The following STARD13 variants were observed in gnomAD, a reference collection of about 807,000 sequenced individuals.
STARD13 encodes stAR-related lipid transfer protein 13.
STARD13 carries 62 observed loss-of-function variants against 106.4 expected under a neutral mutation model. The ratio of observed to expected loss-of-function variants is 0.58; its 90% CI spans 0.48 to 0.72. STARD13 has a LOEUF of 0.72. STARD13 is among the 30% of genes least tolerant of loss of function. STARD13 has a pLI of 0.00. For missense variants in STARD13, 1,387 were observed against 1,424.0 expected (o/e 0.97, Z 0.42); for synonymous variants, 565 against 553.0 (o/e 1.02, Z -0.31).
rs535904926 is a variant in STARD13, at chr13:33,156,202, C to T, written c.323+9135G>A. On this transcript the variant is annotated intron_variant, in intron 3 of 13. Transcript: ENST00000336934. Reference sequence around the variant, plus strand: ...AATTCCGAAAACTGCCCATCAATTTCCTGGAAAACCCATTCCCTTAGTATA... The same window carrying T: ...AATTCCGAAAACTGCCCATCAATTTTCTGGAAAACCCATTCCCTTAGTATA... 3.3e-5 allele frequency among the ~76,000 whole-genome samples: 5 copies of T among 152,292 alleles called. No individual in the cohort carries two copies. In the East Asian group the frequency reaches 5.8e-4, roughly 18 times the overall value.
chr13:33,128,681 A>G (rs1430040875), intron 5 of STARD13, among the ~76,000 whole-genome samples: 3 of 152,176 alleles, frequency 2.0e-5, no homozygotes, highest in East Asian at 3.9e-4. Flanking sequence ...GAAGCTCAAA[A>G]TATTTTTGGA....
the STARD13 span, among the ~76,000 whole-genome samples, chr13:33,356,807 CAAG>C: frequency 1.3e-5 from 2 of 152,124 alleles, no homozygotes; most frequent in Non-Finnish European, 2.9e-5. Flanking sequence ...TGCTAAACAG[CAAG>C]AAGTCACTCA....
At chr13:33,159,600 T>C (rs1450227767) in intron 3 of STARD13, among the ~76,000 whole-genome samples, 1 of 152,258 alleles carries the variant, frequency 6.6e-6, no homozygotes, top group Non-Finnish European at 1.5e-5. Flanking sequence ...CTTAACATTT[T>C]AGACTTAAAA....
the STARD13 span, among the ~76,000 whole-genome samples, chr13:33,452,712 A>G: frequency 6.6e-6 from 1 of 152,236 alleles, no homozygotes; most frequent in South Asian, 2.1e-4. Context: ...TAGACCTCAT[A>G]AAAATGTAAA....
At chr13:33,374,746 A>G in the STARD13 span, among the ~76,000 whole-genome samples, 308 of 152,244 alleles carry the variant, frequency 2.0e-3, 1 homozygote, top group South Asian at 6.8e-3. Context: ...CAAACAAAGC[A>G]TGGAAGCTAA....
chr13:33,241,690 G>C (rs9536854), intron 1 of STARD13, among the ~76,000 whole-genome samples: 5 of 151,878 alleles, frequency 3.3e-5, no homozygotes, highest in African/African-American at 1.2e-4. Flanking sequence ...GCAGGCGCGC[G>C]CCGCCACGCC....
chr13:33,350,539 C>A (rs1448174151), exon 1 of STARD13: 7 of 1,435,014 alleles, frequency 4.9e-6, no homozygotes, highest in Middle Eastern at 1.8e-4. Context: ...GGACCCAATG[C>A]GGGCGCGACA....
At chr13:33,239,947 A>C (rs941253726) in intron 1 of STARD13, among the ~76,000 whole-genome samples, 2 of 152,082 alleles carry the variant, frequency 1.3e-5, no homozygotes, top group African/African-American at 4.8e-5. Flanking sequence ...TTTGCATGTC[A>C]TATCAAATAA....
At chr13:33,649,010 G>T in the STARD13 span, among the ~76,000 whole-genome samples, 59 of 151,688 alleles carry the variant, frequency 3.9e-4, no homozygotes, top group African/African-American at 1.4e-3. Context: ...GGTCAGGCTG[G>T]CTTGAACTCC....
At position 33,129,357 on chromosome 13, in the gene STARD13, A is replaced by T. The variant is rs376128831; in HGVS notation, c.1320T>A (p.Gly440=). Residue 440 remains glycine, a synonymous_variant, in exon 5 of 14, where the codon GGT becomes GGA. Coordinates refer to ENST00000336934, the MANE Select transcript of STARD13 (RefSeq NM_178006.4). ...SISLGREQVP[G]AREPRLMASC... ...ACGCCATGAGCCGGGGCTCCCTGGC[A>T]CCAGGGACCTGCTCTCTGCCCAGGG... The T allele has an allele frequency of 6.2e-7, 1 of 1,614,128 alleles. No homozygotes were observed. The highest frequency in any genetic ancestry group is 1.3e-5 in the African/African-American group (1 of 75,036).
chr13:33,471,199 G>A, the STARD13 span, among the ~76,000 whole-genome samples: 8,974 of 152,262 alleles, frequency 0.059, 348 homozygotes, highest in East Asian at 0.14. Flanking sequence ...ATTAAGATAT[G>A]TATAAGATTT....
At chr13:33,412,366 T>C in the STARD13 span, among the ~76,000 whole-genome samples, 1 of 150,136 alleles carries the variant, frequency 6.7e-6, no homozygotes, top group East Asian at 2.0e-4. Flanking sequence ...AAGAGCAAAA[T>C]GAATTCTGAA....
At chr13:33,384,128 AG>A in the STARD13 span, among the ~76,000 whole-genome samples, 2 of 152,222 alleles carry the variant, frequency 1.3e-5, no homozygotes, top group Admixed American at 1.3e-4. Context: ...AAGATAACTA[AG>A]GCTTAAGGAC....
chr13:33,178,790 C>T (rs538774107), intron 1 of STARD13, among the ~76,000 whole-genome samples: 2 of 152,220 alleles, frequency 1.3e-5, no homozygotes, highest in South Asian at 4.2e-4. Context: ...TTGGTATTTC[C>T]TGGTTGCTGA....
the STARD13 span, among the ~76,000 whole-genome samples, chr13:33,572,396 T>G: frequency 1.3e-5 from 2 of 152,172 alleles, 1 homozygote; most frequent in East Asian, 3.9e-4. Context: ...ATCCAGCTGT[T>G]TCTGTACCTC....
chr13:33,513,464 C>A, the STARD13 span, among the ~76,000 whole-genome samples: 1 of 152,166 alleles, frequency 6.6e-6, no homozygotes, highest in Non-Finnish European at 1.5e-5. Flanking sequence ...ATACGTGATT[C>A]ACTGACTTCC....
the STARD13 span, among the ~76,000 whole-genome samples, chr13:33,676,193 C>T: frequency 2.0e-5 from 3 of 152,118 alleles, no homozygotes; most frequent in East Asian, 1.9e-4. Context: ...GAAGTTGTAG[C>T]GGCGGAGTTT....
chr13:33,544,614 T>C, the STARD13 span, among the ~76,000 whole-genome samples: 757 of 152,240 alleles, frequency 5.0e-3, 16 homozygotes, highest in Admixed American at 0.03. Flanking sequence ...CTAGCCTGAA[T>C]GGGCCTTCGT....
rs78911794 is a variant in STARD13, at chr13:33,131,935, C to T, written c.388-1646G>A. Among the ~76,000 whole-genome samples the T allele has an allele frequency of 3.4e-3, 522 of 152,306 alleles. 3 individuals are homozygous for T. Among genetic ancestry groups the T allele is most frequent in the African/African-American group, 0.012 (495 of 41,572 alleles). ...CTGAGAGGTATTTGCTTATTTGTAT[C>T]TTTCAATGTTTGTTCAATTGCCTAC... On this transcript the variant is annotated intron_variant, in intron 4 of 13. Coordinates refer to ENST00000336934, the MANE Select transcript of STARD13 (RefSeq NM_178006.4).
Sources: gnomAD v4.1 joint callset for allele counts (sites outside exome capture counted in the v4.1 genomes callset) on GRCh38, gnomAD v4.1.1 for gene constraint, MANE v1.5 for transcripts, NCBI Gene and HGNC (gene_info 2026-07-23, HGNC 2026-07-21) for gene names.